FAM118B: variants seen among roughly 807,000 people sequenced by gnomAD.
FAM118B encodes protein FAM118B.
Under a neutral mutation model 38.5 loss-of-function variants are expected in FAM118B, and 24 were observed. The ratio of observed to expected loss-of-function variants is 0.62; its 90% confidence interval spans 0.45 to 0.88. The LOEUF is 0.88. Among genes scored for constraint, FAM118B ranks in the 40% least tolerant of loss-of-function variants. The probability of loss-of-function intolerance (pLI) is 0.00; values close to 1 mark genes in which losing one functional copy is unlikely to be tolerated. For synonymous variants in FAM118B, 138 were observed against 156.3 expected, an observed-to-expected ratio of 0.88 and a Z score of 0.87; for missense variants, 334 against 420.0, an observed-to-expected ratio of 0.80 and a Z score of 1.79.
At chr11:126,259,688 G>C (rs1565342155) in intron 7 of FAM118B, among the ~76,000 whole-genome samples, 1 of 151,206 alleles carries the variant, frequency 6.6e-6, no homozygotes, top group Non-Finnish European at 1.5e-5. Context: ...GCCTCCCAAA[G>C]TGCTGGGATT....
intron 7 of FAM118B, among the ~76,000 whole-genome samples, chr11:126,257,068 T>C (rs950709967): frequency 3.9e-5 from 6 of 152,190 alleles, no homozygotes; most frequent in South Asian, 2.1e-4. Context: ...AATATAGACA[T>C]AGGAAGAATG....
chr11:126,226,743 G>A (rs183106040), intron 1 of FAM118B, among the ~76,000 whole-genome samples: 34 of 152,236 alleles, frequency 2.2e-4, no homozygotes, highest in African/African-American at 7.9e-4. Flanking sequence ...ACTTTGGGAG[G>A]GCTGAGGCAG....
In FAM118B at chr11:126,250,446, A is replaced by G. The variant is rs1417405756; in HGVS notation, c.340-60A>G. On this transcript the variant is annotated intron_variant, in intron 4 of 8. Transcript: ENST00000533050. The surrounding 1 kb of genome is among the most constrained non-coding windows in gnomAD (Gnocchi z 5.1). ...TCCAAAATTTGTTACTGCTGTAACT[A>G]AAACAACTGACCTACCAAAGCACTT... The G allele has an allele frequency of 4.9e-6, 6 of 1,217,426 alleles. No individual in the cohort carries two copies. Among genetic ancestry groups the G allele is most frequent in the Non-Finnish European group, 7.2e-6 (6 of 836,986 alleles). 75.4% of individuals were successfully genotyped at this position (1,217,426 alleles called of 1,614,324 possible).
chr11:126,262,083 G>C (rs188896270), intron 8 of FAM118B, 37 bp from the exon 9 acceptor site: 771 of 1,613,272 alleles, frequency 4.8e-4, no homozygotes, highest in Non-Finnish European at 5.6e-4. Flanking sequence ...CCTGTTTTGT[G>C]AAACTTCATT....
At chr11:126,214,516 T>TTTTTTTTTTTTTTTTG (rs1949952721) in intron 1 of FAM118B, 1 of 92,512 alleles carries the variant, frequency 1.1e-5, no homozygotes, top group East Asian at 6.5e-4. Context: ...TTTTTTTTGT[T>TTTTTTTTTTTTTTTTG]TTTTTTTTTT....
chr11:126,246,392 G>C (rs1950419764), intron 4 of FAM118B, among the ~76,000 whole-genome samples: 1 of 152,128 alleles, frequency 6.6e-6, no homozygotes, highest in Non-Finnish European at 1.5e-5. Context: ...TTAGGTTTTG[G>C]AATCAGACTC....
At chr11:126,225,476 A>G (rs188644015) in intron 1 of FAM118B, among the ~76,000 whole-genome samples, 42 of 152,346 alleles carry the variant, frequency 2.8e-4, no homozygotes, top group Admixed American at 2.4e-3. Context: ...AAAGAGCCAC[A>G]CCCAGTTTCT....
intron 1 of FAM118B, among the ~76,000 whole-genome samples, chr11:126,218,535 T>G (rs1175476886): frequency 6.6e-6 from 1 of 152,192 alleles, no homozygotes; most frequent in Non-Finnish European, 1.5e-5. Flanking sequence ...TTTGGGTTTT[T>G]TTTTGTTTAC....
chr11:126,260,508 TAC>T (rs2135225299), intron 7 of FAM118B: 1 of 152,246 alleles, frequency 6.6e-6, no homozygotes, highest in Non-Finnish European at 1.5e-5. Context: ...GTAGGGGTGT[TAC>T]AGTTTACCTA....
chr11:126,247,690 C>G (rs1950435217), intron 4 of FAM118B, among the ~76,000 whole-genome samples: 1 of 151,862 alleles, frequency 6.6e-6, no homozygotes. Flanking sequence ...AAACCCATCT[C>G]TACTAAAAAC....
chr11:126,213,449 G>A (rs1949920024), intron 1 of FAM118B, among the ~76,000 whole-genome samples: 1 of 152,098 alleles, frequency 6.6e-6, no homozygotes, highest in African/African-American at 2.4e-5. Flanking sequence ...GTAAGACAGA[G>A]GTCTATAAAA....
At chr11:126,220,428 T>G (rs1293999498) in intron 1 of FAM118B, among the ~76,000 whole-genome samples, 1 of 152,160 alleles carries the variant, frequency 6.6e-6, no homozygotes, top group Admixed American at 6.5e-5. Context: ...GACTGATGCT[T>G]GGCTGGGCTT....
At chr11:126,229,161 T>C (rs1950178515) in intron 1 of FAM118B, 64 bp from the exon 2 acceptor site, 1 of 152,164 alleles carries the variant, frequency 6.6e-6, no homozygotes. Context: ...TACTACTTGA[T>C]CTATGGGAAA....
intron 3 of FAM118B, among the ~76,000 whole-genome samples, chr11:126,236,867 C>T (rs1230304075): frequency 1.7e-5 from 2 of 116,438 alleles, no homozygotes; most frequent in African/African-American, 6.6e-5. Flanking sequence ...TTTATGAAGT[C>T]TTTTTGTTTG....
At chr11:126,254,005 C>T (rs946711895) in intron 5 of FAM118B, among the ~76,000 whole-genome samples, 1 of 152,206 alleles carries the variant, frequency 6.6e-6, no homozygotes, top group Non-Finnish European at 1.5e-5. Context: ...AGCAGTTGTC[C>T]ATAGCTCTCA....
At chr11:126,223,097 C>CGGGGGGGGGG (rs1950086166) in intron 1 of FAM118B, among the ~76,000 whole-genome samples, 1 of 7,132 alleles carries the variant, frequency 1.4e-4, no homozygotes, top group Non-Finnish European at 2.7e-4. Flanking sequence ...TGAGGTGGGG[C>CGGGGGGGGGG]GGGGGAGGGG....
intron 1 of FAM118B, among the ~76,000 whole-genome samples, chr11:126,221,680 G>T (rs892179727): frequency 4.0e-5 from 6 of 151,886 alleles, no homozygotes; most frequent in African/African-American, 1.5e-4. Flanking sequence ...GGTGAATGGG[G>T]TGGGAAGGGA....
In FAM118B at chr11:126,250,586, T is replaced by G; in HGVS notation, c.420T>G (p.Asp140Glu). ...ATGACTTGGAGTCAAAGATGGAAGATTCTGGAAAACAGCTACTTCAGTCAG... is the reference window on the plus strand; with the variant it reads ...ATGACTTGGAGTCAAAGATGGAAGAGTCTGGAAAACAGCTACTTCAGTCAG... ...VFDDLESKME[D>E]SGKQLLQSVL... Residue 140 changes from aspartate to glutamate, a missense_variant, in exon 5 of 9, where the codon GAT (aspartate) becomes GAG (glutamate). Around this residue, in one of 3 missense-constraint regions of FAM118B, gnomAD observed 240 missense variants for 295.9 expected, o/e 0.81. Transcript: ENST00000533050. This position sits in a 1 kb window ranked among gnomAD's most constrained non-coding sequence, Gnocchi z 5.1. 6.2e-7 allele frequency: 1 copy of G among 1,614,108 alleles called. No individual in the cohort carries two copies. The highest frequency in any genetic ancestry group is 8.5e-7 in the Non-Finnish European group (1 of 1,179,946).
intron 5 of FAM118B, among the ~76,000 whole-genome samples, chr11:126,251,797 C>T (rs1394715446): frequency 2.0e-5 from 3 of 151,188 alleles, no homozygotes; most frequent in African/African-American, 7.3e-5. Context: ...ATTCTCCTGC[C>T]TCACCCTCCT....
Sources: gnomAD v4.1 joint callset for allele counts (sites outside exome capture counted in the v4.1 genomes callset) on GRCh38, gnomAD v4.1.1 for gene constraint, gnomAD v4.1.1 regional missense constraint, Gnocchi (gnomAD v3.1) non-coding constraint, MANE v1.5 for transcripts, NCBI Gene and HGNC (gene_info 2026-07-23, HGNC 2026-07-21) for gene names.